The following POU6F2 variants were observed in gnomAD, a reference collection of about 807,000 sequenced individuals.
POU6F2 encodes the protein POU class 6 homeobox 2.
A neutral mutation model predicts 71.3 loss-of-function variants in POU6F2; 31 were observed. The ratio of observed to expected loss-of-function variants is 0.43; its 90% confidence interval spans 0.33 to 0.59. The LOEUF is 0.59. Ranked by LOEUF, POU6F2 falls within the 20% of genes least tolerant of loss-of-function variation. The pLI is 0.04. For missense variants in POU6F2, 783 were observed against 856.8 expected (o/e 0.91, Z 1.07); for synonymous variants, 347 against 355.7 (o/e 0.98, Z 0.27).
intron 2 of POU6F2, among the ~76,000 whole-genome samples, chr7:39,162,574 T>G (rs1273273029): frequency 1.3e-5 from 2 of 152,212 alleles, no homozygotes; most frequent in Non-Finnish European, 2.9e-5. Context: ...ATCTCCATGA[T>G]GCAAGTTTGA....
intron 5 of POU6F2, among the ~76,000 whole-genome samples, chr7:39,396,567 G>A (rs1787178523): frequency 6.6e-6 from 1 of 152,200 alleles, no homozygotes; most frequent in Non-Finnish European, 1.5e-5. Context: ...CTGCAATGAA[G>A]TCCAGGCTTC....
At chr7:39,195,959 A>G (rs1026276536) in intron 2 of POU6F2, among the ~76,000 whole-genome samples, 7 of 152,130 alleles carry the variant, frequency 4.6e-5, no homozygotes, top group African/African-American at 1.4e-4. Flanking sequence ...TAGTCCCACA[A>G]TTTCAAAGAT....
intron 2 of POU6F2, among the ~76,000 whole-genome samples, chr7:39,163,668 T>C (rs1793045505): frequency 6.6e-6 from 1 of 152,238 alleles, no homozygotes; most frequent in Non-Finnish European, 1.5e-5. Flanking sequence ...ACTGGATATA[T>C]TTCCAAAGGA....
chr7:39,251,728 G>T (rs1488396857), intron 4 of POU6F2, among the ~76,000 whole-genome samples: 1 of 152,164 alleles, frequency 6.6e-6, no homozygotes, highest in Non-Finnish European at 1.5e-5. Context: ...CATCCTGGGA[G>T]ATGTTGCACA....
At position 39,467,257 on chromosome 7, in the gene POU6F2, A is replaced by G. The variant is rs1039422916; in HGVS notation, c.*2571A>G. ...CTTCTTATATTAATTTTTTACAGATAAATTTTTTGCTACAAGGCATAAAAA... is the reference window on the plus strand; with the variant it reads ...CTTCTTATATTAATTTTTTACAGATGAATTTTTTGCTACAAGGCATAAAAA... On this transcript the variant is annotated 3_prime_UTR_variant, in exon 10 of 10. Transcript: ENST00000518318. 1 of 152,198 alleles carries G rather than the reference A, an allele frequency of 6.6e-6. No homozygotes were observed. Among genetic ancestry groups the G allele is most frequent in the African/African-American group, 2.4e-5 (1 of 41,448 alleles). 9.4% of individuals were successfully genotyped at this position (152,198 alleles called of 1,614,324 possible). A position where few individuals can be genotyped will look rare whatever the true frequency, so the allele number is the denominator to read the frequency against.
chr7:39,260,905 A>T (rs997375947), intron 4 of POU6F2, among the ~76,000 whole-genome samples: 6 of 151,608 alleles, frequency 4.0e-5, no homozygotes, highest in Admixed American at 3.3e-4. Context: ...CCACCTACAC[A>T]TATATATCAT....
At chr7:39,112,081 A>G (rs17171539) in intron 2 of POU6F2, among the ~76,000 whole-genome samples, 2,618 of 152,246 alleles carry the variant, frequency 0.017, 67 homozygotes, top group African/African-American at 0.06. Context: ...TGGGATTCAG[A>G]TGACCTCTGT....
intron 4 of POU6F2, among the ~76,000 whole-genome samples, chr7:39,209,140 A>G (rs4579430): frequency 0.016 from 2,363 of 152,224 alleles, 65 homozygotes; most frequent in African/African-American, 0.053. Context: ...TTCAAAATTA[A>G]TGATTGGTCC....
chr7:38,983,643 T>C (rs1788384671), intron 1 of POU6F2, among the ~76,000 whole-genome samples: 1 of 152,128 alleles, frequency 6.6e-6, no homozygotes, highest in Non-Finnish European at 1.5e-5. Flanking sequence ...TATTATTTTC[T>C]TGTTCTTCCC....
intron 4 of POU6F2, among the ~76,000 whole-genome samples, chr7:39,277,348 A>G (rs1784462776): frequency 6.6e-6 from 1 of 152,210 alleles, no homozygotes; most frequent in Non-Finnish European, 1.5e-5. Flanking sequence ...TGATCCCAAC[A>G]CGAAGATAGT....
At chr7:39,371,361 T>C (rs1786606316) in intron 5 of POU6F2, among the ~76,000 whole-genome samples, 1 of 152,082 alleles carries the variant, frequency 6.6e-6, no homozygotes, top group African/African-American at 2.4e-5. Flanking sequence ...TTTGTATTTT[T>C]AGTAGAGACA....
rs558824734 is a variant in POU6F2, at chr7:39,297,582, CCTCTT to C, written c.599-42059_599-42055del. Among the ~76,000 whole-genome samples, 582 of 152,210 alleles carry C rather than the reference CCTCTT, an allele frequency of 3.8e-3. 2 individuals carry two copies. The highest frequency in any genetic ancestry group is 0.013 in the African/African-American group (526 of 41,504). On this transcript the variant is annotated intron_variant, in intron 4 of 9. Transcript: ENST00000518318. The stretch of plus-strand genomic sequence containing the variant: ...AGACCACTGTGACATATATTGCTCC[CCTCTT>C]AAGTCCAGTCTTAAATAAAAGTATG...
intron 6 of POU6F2, among the ~76,000 whole-genome samples, chr7:39,426,421 G>C (rs898958094): frequency 2.0e-5 from 3 of 152,080 alleles, no homozygotes; most frequent in East Asian, 3.9e-4. Flanking sequence ...TTCCCCAAGG[G>C]GTCCTCTGGG....
chr7:39,196,408 T>TG (rs973667049), intron 2 of POU6F2, among the ~76,000 whole-genome samples: 1 of 152,206 alleles, frequency 6.6e-6, no homozygotes, highest in African/African-American at 2.4e-5. Flanking sequence ...GATTTCTTAT[T>TG]GGGGAAAAAA....
chr7:39,225,955 T>C (rs1794452612), intron 4 of POU6F2, among the ~76,000 whole-genome samples: 1 of 150,786 alleles, frequency 6.6e-6, no homozygotes, highest in South Asian at 2.1e-4. Flanking sequence ...ATTAATTCCT[T>C]TAAAAAAAAA....
At chr7:39,000,113 T>C (rs1470300380) in intron 1 of POU6F2, among the ~76,000 whole-genome samples, 1 of 152,184 alleles carries the variant, frequency 6.6e-6, no homozygotes, top group East Asian at 1.9e-4. Context: ...AAGTGGACAG[T>C]GGACAGTCAG....
rs142019510 is a variant in POU6F2, at chr7:39,167,507, T to C, written c.278-36728T>C. On this transcript the variant is annotated intron_variant, in intron 2 of 9. Transcript: ENST00000518318. Reference sequence around the variant, plus strand: ...GGATATCTTTGCGTCAGTGTGACTATTACTACCAGAAGGTCATCCAGAAAT... The same window carrying C: ...GGATATCTTTGCGTCAGTGTGACTACTACTACCAGAAGGTCATCCAGAAAT... Among the ~76,000 whole-genome samples the C allele has an allele frequency of 1.4e-3, 216 of 152,302 alleles. 1 individual carries two copies. The highest frequency in any genetic ancestry group is 4.3e-3 in the Admixed American group (66 of 15,290).
intron 1 of POU6F2, among the ~76,000 whole-genome samples, chr7:39,026,205 A>G (rs1200283283): frequency 6.6e-6 from 1 of 151,518 alleles, no homozygotes; most frequent in Non-Finnish European, 1.5e-5. Context: ...TTCCTCAGGG[A>G]TCTAGAACTA....
rs112126220 is a variant in POU6F2, at chr7:39,159,332, T to C, written c.278-44903T>C. Among the ~76,000 whole-genome samples, 293 of 149,506 alleles carry C rather than the reference T, an allele frequency of 2.0e-3. 4 individuals are homozygous for C. The highest frequency in any genetic ancestry group is 1.8e-3 in the Non-Finnish European group (122 of 67,982). On this transcript the variant is annotated intron_variant, in intron 2 of 9. Coordinates refer to ENST00000518318, the MANE Select transcript of POU6F2 (RefSeq NM_001370959.1). Reference sequence around the variant, plus strand: ...CAAAGATATATAACCGCTTTTTCTTTCTCTGTTTCTTCCCCAATCCATTCT... The same window carrying C: ...CAAAGATATATAACCGCTTTTTCTTCCTCTGTTTCTTCCCCAATCCATTCT...
Sources: gnomAD v4.1 joint callset for allele counts (sites outside exome capture counted in the v4.1 genomes callset) on GRCh38, gnomAD v4.1.1 for gene constraint, MANE v1.5 for transcripts, NCBI Gene and HGNC (gene_info 2026-07-23, HGNC 2026-07-21) for gene names.